Variants in KCNQ1 observed in about 807,000 individuals in gnomAD.
The protein encoded by KCNQ1 is potassium voltage-gated channel subfamily Q member 1, also known as potassium voltage-gated channel subfamily KQT member 1.
A neutral mutation model predicts 72.4 loss-of-function variants in KCNQ1; 49 were observed. The observed-to-expected ratio is 0.68, with a 90% confidence interval of 0.54 to 0.86. The LOEUF (loss-of-function observed/expected upper bound fraction) is 0.86. KCNQ1 is among the 40% of genes least tolerant of loss of function. KCNQ1 has a pLI of 0.00. For synonymous variants in KCNQ1, 450 were observed against 412.6 expected (o/e 1.09, Z -1.10); for missense variants, 790 against 945.1 (o/e 0.84, Z 2.15).
At chr11:2,843,705 GA>G (rs1367887667) in intron 15 of KCNQ1, among the ~76,000 whole-genome samples, 4 of 152,226 alleles carry the variant, frequency 2.6e-5, no homozygotes, top group Non-Finnish European at 5.9e-5. Flanking sequence ...ATTTTCTTTT[GA>G]AAACAAATTC....
rs2133628762 is a variant in KCNQ1, at chr11:2,492,472, A to G, written c.387-35456A>G. 6.6e-6 allele frequency among the ~76,000 whole-genome samples: 1 copy of G among 152,282 alleles called. No individual in the cohort carries two copies. Among genetic ancestry groups the G allele is most frequent in the East Asian group, 1.9e-4 (1 of 5,186 alleles). ...ACCCATCATCTAGGTTTTAAGCCCT[A>G]CATGCATTAGGTATTTGTCCTAATG... is the stretch of plus-strand genomic sequence containing the variant. On this transcript the variant is annotated intron_variant, in intron 1 of 15. Coordinates refer to ENST00000155840, the MANE Select transcript of KCNQ1 (RefSeq NM_000218.3). The surrounding 1 kb of genome is among the most constrained non-coding windows in gnomAD (Gnocchi z 4.1).
chr11:2,842,007 G>A (rs1848224380), intron 15 of KCNQ1, among the ~76,000 whole-genome samples: 1 of 152,226 alleles, frequency 6.6e-6, no homozygotes, highest in South Asian at 2.1e-4. Flanking sequence ...GCTGTGCCGA[G>A]GACCCGCTGA....
At chr11:2,776,855 G>A (rs1846712700) in intron 13 of KCNQ1, 131 bp from the exon 14 acceptor site, 21 of 884,550 alleles carry the variant, frequency 2.4e-5, no homozygotes, top group Non-Finnish European at 3.9e-5. Context: ...CTTAGGGTCG[G>A]GGGTGTCCCC....
At chr11:2,456,605 G>T (rs1054209994) in intron 1 of KCNQ1, among the ~76,000 whole-genome samples, 1 of 151,522 alleles carries the variant, frequency 6.6e-6, no homozygotes, top group Non-Finnish European at 1.5e-5. Context: ...AAATCAACAA[G>T]CAAAAAAACA....
chr11:2,618,196 G>A, intron 10 of KCNQ1: 1 of 398,440 alleles, frequency 2.5e-6, no homozygotes, highest in South Asian at 1.3e-4. Context: ...TTATTTCTAT[G>A]TATGGTGTAA....
chr11:2,508,054 C>T lies in KCNQ1; in HGVS notation c.387-19874C>T, dbSNP rs1042541596. Among the ~76,000 whole-genome samples the T allele has an allele frequency of 6.6e-6, 1 of 152,052 alleles. No homozygotes were observed. The highest frequency in any genetic ancestry group is 1.9e-4 in the East Asian group (1 of 5,132). On this transcript the variant is annotated intron_variant, in intron 1 of 15. Transcript: ENST00000155840. The surrounding 1 kb of genome is among the most constrained non-coding windows in gnomAD (Gnocchi z 6.2). Reference sequence around the variant, plus strand: ...GGAGGCTGGGACCCTGCCCTGAAACCTCTCAGACACAAACACCCAGCTCGG... The same window carrying T: ...GGAGGCTGGGACCCTGCCCTGAAACTTCTCAGACACAAACACCCAGCTCGG...
intron 15 of KCNQ1, among the ~76,000 whole-genome samples, chr11:2,812,953 C>G (rs755513952): frequency 3.3e-5 from 5 of 152,258 alleles, no homozygotes; most frequent in Admixed American, 6.5e-5. Context: ...AAGCTGCCCC[C>G]TCATGGCCTC....
At chr11:2,811,972 C>T (rs1348220990) in intron 15 of KCNQ1, among the ~76,000 whole-genome samples, 4 of 152,176 alleles carry the variant, frequency 2.6e-5, no homozygotes, top group Admixed American at 6.5e-5. Flanking sequence ...GCAGACCCCA[C>T]GCCCTGGCAC....
chr11:2,845,130 T>C (rs937309031), intron 15 of KCNQ1, among the ~76,000 whole-genome samples: 4 of 152,212 alleles, frequency 2.6e-5, no homozygotes, highest in Non-Finnish European at 5.9e-5. Context: ...GGGCTGGTCC[T>C]GCCGGCAGCA....
chr11:2,815,521 C>T lies in KCNQ1; in HGVS notation c.1795-32246C>T, dbSNP rs1159988229. ...ACCTGATCTCAGCTCAGGATCGCCACTCCAGTGCCCCATCCCAGAGCCTTT... is the reference window on the plus strand; with the variant it reads ...ACCTGATCTCAGCTCAGGATCGCCATTCCAGTGCCCCATCCCAGAGCCTTT... On this transcript the variant is annotated intron_variant, in intron 15 of 15. Transcript: ENST00000155840. This position sits in a 1 kb window ranked among gnomAD's most constrained non-coding sequence, Gnocchi z 5.4. Among the ~76,000 whole-genome samples the T allele has an allele frequency of 6.6e-6, 1 of 152,214 alleles. No homozygotes were observed. Among genetic ancestry groups the T allele is most frequent in the African/African-American group, 2.4e-5 (1 of 41,460 alleles).
At chr11:2,531,339 G>C (rs1017370691) in intron 2 of KCNQ1, among the ~76,000 whole-genome samples, 1 of 152,130 alleles carries the variant, frequency 6.6e-6, no homozygotes, top group African/African-American at 2.4e-5. Flanking sequence ...TGCAGCCCTA[G>C]AATCACCAGC....
chr11:2,593,449 C>T lies in KCNQ1; in HGVS notation c.1393+4595C>T, dbSNP rs988422295. On this transcript the variant is annotated intron_variant, in intron 10 of 15. Transcript: ENST00000155840. The surrounding 1 kb of genome is among the most constrained non-coding windows in gnomAD (Gnocchi z 6.9). Reference sequence around the variant, plus strand: ...CTGTGACGTAGGATCGGGCAGCACGCACCTTTCCACCTGGCCTGGAGGTGA... The same window carrying T: ...CTGTGACGTAGGATCGGGCAGCACGTACCTTTCCACCTGGCCTGGAGGTGA... 1.8e-4 allele frequency among the ~76,000 whole-genome samples: 27 copies of T among 152,206 alleles called. No homozygotes were observed. The highest frequency in any genetic ancestry group is 6.3e-4 in the African/African-American group (26 of 41,446).
chr11:2,841,610 G>A (rs1046933770), intron 15 of KCNQ1, among the ~76,000 whole-genome samples: 2 of 152,240 alleles, frequency 1.3e-5, no homozygotes, highest in Non-Finnish European at 2.9e-5. Flanking sequence ...GCTCCCGCTG[G>A]GACACGCTGA....
chr11:2,715,539 G>A lies in KCNQ1; in HGVS notation c.1515-53305G>A, dbSNP rs540705120. 3.3e-5 allele frequency among the ~76,000 whole-genome samples: 5 copies of A among 152,200 alleles called. No homozygotes were observed. The highest frequency in any genetic ancestry group is 2.1e-4 in the South Asian group (1 of 4,826). The stretch of plus-strand genomic sequence containing the variant: ...GGTAGACTTCGTTTCCAGCCGGAGT[G>A]TACCTGGGGATGCCTGTGCCCAAGC... On this transcript the variant is annotated intron_variant, in intron 11 of 15. Transcript: ENST00000155840. The surrounding 1 kb of genome is among the most constrained non-coding windows in gnomAD (Gnocchi z 4.9).
intron 11 of KCNQ1, among the ~76,000 whole-genome samples, chr11:2,700,221 C>T (rs1383525137): frequency 3.9e-5 from 6 of 152,050 alleles, no homozygotes; most frequent in African/African-American, 1.4e-4. Context: ...GCATGAGGCA[C>T]TGGCTGGGTG....
At position 2,686,013 on chromosome 11, in the gene KCNQ1, G is replaced by A. The variant is rs1850483369; in HGVS notation, c.1514+23932G>A. 1.3e-5 allele frequency: 5 copies of A among 398,924 alleles called. No homozygotes were observed. The East Asian group carries it at 1.8e-4, about 14-fold the overall frequency. The allele number at this position is 398,924 out of a possible 1,614,324, so 24.7% of individuals were successfully genotyped here. ...ACTCCACACCAAGAAGAGTCAGGGGGGCTCACTCTAAGCCCCGCCAGCTCG... is the reference window on the plus strand; with the variant it reads ...ACTCCACACCAAGAAGAGTCAGGGGAGCTCACTCTAAGCCCCGCCAGCTCG... On this transcript the variant is annotated intron_variant, in intron 11 of 15. Coordinates refer to ENST00000155840, the MANE Select transcript of KCNQ1 (RefSeq NM_000218.3).
Position 2,621,222 on chromosome 11 carries a change from C to T in KCNQ1, c.1393+32368C>T, listed in dbSNP as rs1037962060. On this transcript the variant is annotated intron_variant, in intron 10 of 15. Transcript: ENST00000155840. This position sits in a 1 kb window ranked among gnomAD's most constrained non-coding sequence, Gnocchi z 5.7. Reference sequence around the variant, plus strand: ...CGAATACCTGACCCCAGATGATCCACGCACCTCAGCCTCCCAAAGTGCTAG... The same window carrying T: ...CGAATACCTGACCCCAGATGATCCATGCACCTCAGCCTCCCAAAGTGCTAG... 10 of 397,918 alleles carry T rather than the reference C, an allele frequency of 2.5e-5. No individual in the cohort carries two copies. Among genetic ancestry groups the T allele is most frequent in the South Asian group, 2.7e-4 (2 of 7,294 alleles). The allele number at this position is 397,918 out of a possible 1,614,324, so 24.6% of individuals were successfully genotyped here.
chr11:2,777,105 T>C (rs1846722212), intron 14 of KCNQ1, 73 bp downstream of exon 14: 1 of 1,455,208 alleles, frequency 6.9e-7, no homozygotes, highest in South Asian at 1.2e-5. Flanking sequence ...CCCTCCTGGC[T>C]CTCCCCATGA....
intron 10 of KCNQ1, chr11:2,649,826 A>G: frequency 2.5e-6 from 1 of 398,348 alleles, no homozygotes; most frequent in East Asian, 3.6e-5. Flanking sequence ...TTTATCTGTT[A>G]GTCTCTTTCT....
Sources: allele counts gnomAD v4.1 joint callset (sites outside exome capture counted in the v4.1 genomes callset), GRCh38; gene constraint gnomAD v4.1.1; non-coding constraint Gnocchi (gnomAD v3.1); transcripts MANE v1.5; gene names NCBI Gene and HGNC (gene_info 2026-07-23, HGNC 2026-07-21).